The following JAG2 variants were observed in gnomAD, a reference collection of about 807,000 sequenced individuals.
JAG2 encodes protein jagged-2.
JAG2 carries 46 observed loss-of-function variants against 141.7 expected under a neutral mutation model. That is an observed-to-expected ratio of 0.32 (90% confidence interval 0.26 to 0.42). The LOEUF is 0.42. JAG2 is among the 10% of genes least tolerant of loss of function. The probability of loss-of-function intolerance (pLI) is 1.00; values close to 1 mark genes in which losing one functional copy is unlikely to be tolerated. For synonymous variants in JAG2, 862 were observed against 763.5 expected, an observed-to-expected ratio of 1.13 and a Z score of -2.13; for missense variants, 1,500 against 1,817.5, an observed-to-expected ratio of 0.83 and a Z score of 3.18.
rs1261400797 is a variant in JAG2 at position 105,168,422 on chromosome 14, GC to G, written c.-3del. ...GCGCCCCCGGCCCTGCGCCCGCATTGCCCCCGCGACCCGCCCGCCCGGCCCC... is the reference window on the plus strand; with the variant it reads ...GCGCCCCCGGCCCTGCGCCCGCATTGCCCCGCGACCCGCCCGCCCGGCCCC... On this transcript the variant is annotated 5_prime_UTR_variant, in exon 1 of 26. Transcript: ENST00000331782. 7.7e-6 allele frequency: 7 copies of G among 904,714 alleles called. No individual in the cohort carries two copies. The highest frequency in any genetic ancestry group is 4.6e-5 in the South Asian group (1 of 21,658). The allele number at this position is 904,714 out of a possible 1,614,324, so 56.0% of individuals were successfully genotyped here. A position where few individuals can be genotyped will look rare whatever the true frequency, so the allele number is the denominator to read the frequency against.
At position 105,151,227 on chromosome 14, in the gene JAG2, C is replaced by CCCCAGCAGT; in HGVS notation, c.1267+55_1267+56insACTGCTGGG. Reference sequence around the variant, plus strand: ...CCAGCAGCCCCCGCAGCCCCAGCAGCCCCCGCAGCCCGCATGCGCGGCCCA... The same window carrying CCCCAGCAGT: ...CCAGCAGCCCCCGCAGCCCCAGCAGCCCCAGCAGTCCCCGCAGCCCGCATGCGCGGCCCA... On this transcript the variant is annotated intron_variant, in intron 9 of 25. Coordinates refer to ENST00000331782, the MANE Select transcript of JAG2 (RefSeq NM_002226.5). 6 of 1,535,594 alleles carry CCCCAGCAGT rather than the reference C, an allele frequency of 3.9e-6. No homozygotes were observed. In the African/African-American group the frequency reaches 5.9e-5, roughly 15 times the overall value.
At chr14:105,153,335 C>G (rs1333944382) in intron 5 of JAG2, among the ~76,000 whole-genome samples, 3 of 152,250 alleles carry the variant, frequency 2.0e-5, no homozygotes, top group Admixed American at 2.0e-4. Context: ...CCAGCATGCA[C>G]AGTGGTCCGC....
chr14:105,162,813 TCCAGGGCACCCCCAGC>T (rs931778665), intron 2 of JAG2, among the ~76,000 whole-genome samples: 20 of 121,044 alleles, frequency 1.7e-4, no homozygotes, highest in Non-Finnish European at 1.2e-4. Context: ...GCACTCCAGG[TCCAGGGCACCCCCAGC>T]CCAGGGCACT....
In JAG2 at chr14:105,151,416, G is replaced by T; in HGVS notation, c.1154-20C>A. On this transcript the variant is annotated intron_variant, in intron 8 of 25. Transcript: ENST00000331782. ...CGATGTCTGCAGAGGGTGGAGAAAG[G>T]TGGGGCCCTGGCAGTGTGAGCCGTG... 1 of 1,602,046 alleles carries T rather than the reference G, an allele frequency of 6.2e-7. No individual in the cohort carries two copies. Among genetic ancestry groups the T allele is most frequent in the Non-Finnish European group, 8.5e-7 (1 of 1,173,772 alleles).
At chr14:105,161,339 A>G (rs1435074990) in intron 2 of JAG2, among the ~76,000 whole-genome samples, 1 of 152,118 alleles carries the variant, frequency 6.6e-6, no homozygotes, top group Non-Finnish European at 1.5e-5. Context: ...TGGGGCCAGC[A>G]TGGGTCTGAG....
At position 105,143,575 on chromosome 14, in the gene JAG2, C is replaced by G; in HGVS notation, c.3148G>C (p.Val1050Leu). 1 of 1,604,690 alleles carries G rather than the reference C, an allele frequency of 6.2e-7. No homozygotes were observed. Among genetic ancestry groups the G allele is most frequent in the Non-Finnish European group, 8.5e-7 (1 of 1,178,080 alleles). The change falls in exon 25 of 26, where the codon GTG (valine) becomes CTG (leucine). Residue 1050 changes from valine (V) to leucine (L), a missense_variant. Physicochemically the swap from Val to Leu is conservative, Grantham distance 32 (BLOSUM62 1). This residue lies in a region of JAG2 where 425 missense variants were observed against 441.0 expected (regional missense o/e 0.96). Transcript: ENST00000331782. ...TTCCCCCGCTGGGTGATGGCGGCCA[C>G]GATGGCGTGGGCCGCGCCCTGGATC... Reference protein sequence around the residue: ...SLIQGAAHAIVAAITQRGNSS... With the variant: ...SLIQGAAHAILAAITQRGNSS...
chr14:105,166,004 G>A (rs1035953248), intron 2 of JAG2, among the ~76,000 whole-genome samples: 2 of 152,258 alleles, frequency 1.3e-5, no homozygotes, highest in Non-Finnish European at 2.9e-5. Flanking sequence ...CCGGCAGCCA[G>A]GCCACATGGC....
Position 105,150,764 on chromosome 14 carries a change from C to G in JAG2, c.1442G>C (p.Gly481Ala), listed in dbSNP as rs766823184. 3.1e-6 allele frequency: 5 copies of G among 1,588,216 alleles called. No homozygotes were observed. Among genetic ancestry groups the G allele is most frequent in the African/African-American group, 1.3e-5 (1 of 74,610 alleles). ...GCCCCGTGGGCACACACACTGGTAC[C>G]CGTTCACCAGGTCCTGGGCGGGCCA... ...HGGTCKDLVN[G>A]YQCVCPRGFG... Residue 481 changes from glycine to alanine, a missense_variant, in exon 12 of 26, where the codon GGG (glycine) becomes GCG (alanine). Transcript: ENST00000331782.
chr14:105,160,425 G>A (rs747750579), intron 2 of JAG2, among the ~76,000 whole-genome samples: 8 of 148,188 alleles, frequency 5.4e-5, no homozygotes, highest in African/African-American at 1.0e-4. Flanking sequence ...CTTCCCAGGC[G>A]TCTGGCATTT....
At chr14:105,146,919 A>T (rs1000912788) in intron 20 of JAG2, 195 bp from the exon 21 acceptor site, 1 of 662,174 alleles carries the variant, frequency 1.5e-6, no homozygotes, top group Non-Finnish European at 2.8e-6. Context: ...GCCCAACAGC[A>T]CCCTCCTCCG....
chr14:105,165,276 C>T (rs1048479165), intron 2 of JAG2, among the ~76,000 whole-genome samples: 3 of 152,212 alleles, frequency 2.0e-5, no homozygotes, highest in African/African-American at 7.2e-5. Context: ...TCCCTGCTGC[C>T]CCCAGCATGA....
chr14:105,157,713 G>T lies in JAG2; in HGVS notation c.468C>A (p.Thr156=). The T allele has an allele frequency of 1.3e-6, 2 of 1,566,728 alleles. No individual in the cohort carries two copies. Among genetic ancestry groups the T allele is most frequent in the Non-Finnish European group, 1.7e-6 (2 of 1,157,128 alleles). The change falls in exon 3 of 26, where the codon ACC becomes ACA. Residue 156 remains threonine (T), a synonymous_variant. Coordinates refer to ENST00000331782, the MANE Select transcript of JAG2 (RefSeq NM_002226.5). ...GGCCCAGGGCTCACTCACCATTCGG[G>T]GTGGTATCGTTGTCCCAGTCCCAGG... ...VEAWDWDNDT[T]PNEELLIERV...
chr14:105,154,380 TTGCTCACGCACAG>T lies in JAG2; in HGVS notation c.788+1169_788+1181del, dbSNP rs1888521288. On this transcript the variant is annotated intron_variant, in intron 5 of 25. Transcript: ENST00000331782. This position sits in a 1 kb window ranked among gnomAD's most constrained non-coding sequence, Gnocchi z 4.4. ...GCGCCCCTCTCTCGGGCTCCCCAGC[TTGCTCACGCACAG>T]TGAGCGCCACGGCTCGAAGCCCGTG... Among the ~76,000 whole-genome samples, 1 of 152,118 alleles carries T rather than the reference TTGCTCACGCACAG, an allele frequency of 6.6e-6. No homozygotes were observed. The highest frequency in any genetic ancestry group is 1.9e-4 in the East Asian group (1 of 5,170).
rs768096563 is a variant in JAG2 at position 105,141,065 on chromosome 14, A to C, written c.*1630T>G. On this transcript the variant is annotated 3_prime_UTR_variant, in exon 26 of 26. Coordinates refer to ENST00000331782, the MANE Select transcript of JAG2 (RefSeq NM_002226.5). The stretch of plus-strand genomic sequence containing the variant: ...GCAGCCTCACTCCCAGGCTGTCAGC[A>C]GGACTTTTTTTTTCTCTTTTGTACA... 2.0e-5 allele frequency: 3 copies of C among 152,226 alleles called. No individual in the cohort carries two copies. The highest frequency in any genetic ancestry group is 4.4e-5 in the Non-Finnish European group (3 of 68,044). The allele number at this position is 152,226 out of a possible 1,614,324, so 9.4% of individuals were successfully genotyped here. A position where few individuals can be genotyped will look rare whatever the true frequency, so the allele number is the denominator to read the frequency against.
chr14:105,168,316 C>T, intron 1 of JAG2, 39 bp downstream of exon 1: 1 of 741,138 alleles, frequency 1.3e-6, no homozygotes, highest in South Asian at 4.0e-5. Flanking sequence ...CCCGGTGTGC[C>T]CCGTCCGCGA....
At chr14:105,162,943 ACT>A (rs1888800481) in intron 2 of JAG2, among the ~76,000 whole-genome samples, 1 of 151,374 alleles carries the variant, frequency 6.6e-6, no homozygotes, top group Admixed American at 6.6e-5. Flanking sequence ...GCATCCCAAA[ACT>A]CAGGCAACCC....
rs766606501 is a variant in JAG2, at chr14:105,145,790, G to A, written c.2893C>T (p.His965Tyr). Residue 965 changes from histidine (H) to tyrosine (Y), a missense_variant, in exon 23 of 26, where the codon CAC (histidine) becomes TAC (tyrosine). Physicochemically the swap from His to Tyr is moderately conservative, Grantham distance 83. Transcript: ENST00000331782. ...AGGCGGGCACAGTTATTGTCCAGGTGGCCGGAGCGTGGCAGGCAGGGGGTG... is the reference window on the plus strand; with the variant it reads ...AGGCGGGCACAGTTATTGTCCAGGTAGCCGGAGCGTGGCAGGCAGGGGGTG... Reference protein sequence around the residue: ...PSTPCLPRSGHLDNNCARLTL... With the variant: ...PSTPCLPRSGYLDNNCARLTL... The A allele has an allele frequency of 6.3e-7, 1 of 1,577,196 alleles. No individual in the cohort carries two copies. The highest frequency in any genetic ancestry group is 1.2e-5 in the South Asian group (1 of 86,268).
chr14:105,150,843 C>G (rs1888400500), intron 11 of JAG2, 22 bp downstream of exon 11: 1 of 1,574,800 alleles, frequency 6.4e-7, no homozygotes, highest in Admixed American at 1.8e-5. Context: ...CCACGCCACA[C>G]ACCCTCCTGG....
chr14:105,147,680 G>T, intron 18 of JAG2, 92 bp downstream of exon 18: 1 of 1,104,224 alleles, frequency 9.1e-7, no homozygotes, highest in Non-Finnish European at 1.3e-6. Context: ...CAGGGGGAGG[G>T]GCTGGCAGAA....
Sources: allele counts gnomAD v4.1 joint callset (sites outside exome capture counted in the v4.1 genomes callset), GRCh38; gene constraint gnomAD v4.1.1; regional missense constraint gnomAD v4.1.1; non-coding constraint Gnocchi (gnomAD v3.1); transcripts MANE v1.5; gene names NCBI Gene and HGNC (gene_info 2026-07-23, HGNC 2026-07-21).